The following CACNA1C variants were observed in gnomAD, a reference collection of about 807,000 sequenced individuals.
The protein encoded by CACNA1C is calcium voltage-gated channel subunit alpha1 C.
A neutral mutation model predicts 229.0 loss-of-function variants in CACNA1C; 30 were observed. The ratio of observed to expected loss-of-function variants is 0.13; its 90% CI spans 0.10 to 0.18. The LOEUF is 0.18. Among genes scored for constraint, CACNA1C ranks in the 10% least tolerant of loss-of-function variants. The pLI is 1.00. For synonymous variants in CACNA1C, 1,114 were observed against 1,132.5 expected (o/e 0.98, Z 0.33); for missense variants, 1,658 against 2,845.0 (o/e 0.58, Z 9.49).
At chr12:2,236,245 C>G (rs1052550099) in intron 3 of CACNA1C, among the ~76,000 whole-genome samples, 1 of 152,132 alleles carries the variant, frequency 6.6e-6, no homozygotes, top group Admixed American at 6.5e-5. Flanking sequence ...TCAGCAGGTT[C>G]GGGTTGGGGC....
intron 42 of CACNA1C, chr12:2,680,329 CTT>C (rs1181633338): frequency 6.8e-7 from 1 of 1,464,794 alleles, no homozygotes; most frequent in Non-Finnish European, 9.2e-7. Flanking sequence ...CTGACTCACT[CTT>C]TTCTCCTTGT....
intron 3 of CACNA1C, among the ~76,000 whole-genome samples, chr12:2,235,207 C>G (rs1161395853): frequency 6.6e-6 from 1 of 152,188 alleles, no homozygotes; most frequent in Non-Finnish European, 1.5e-5. Flanking sequence ...ACAGGGGGGC[C>G]ATTCTTCCTC....
In CACNA1C at chr12:2,636,071, G is replaced by T. The variant is rs1255684418; in HGVS notation, c.3912+1691G>T. On this transcript the variant is annotated intron_variant, in intron 30 of 46. Coordinates refer to ENST00000399655, the MANE Select transcript of CACNA1C (RefSeq NM_000719.7). ...GCCAGAGCTTCTGTGCCCAGAGCTTGTGCCATGCAGTGCTCAGCCGTGGGA... is the reference window on the plus strand; with the variant it reads ...GCCAGAGCTTCTGTGCCCAGAGCTTTTGCCATGCAGTGCTCAGCCGTGGGA... Among the ~76,000 whole-genome samples the T allele has an allele frequency of 2.0e-5, 3 of 152,344 alleles. No homozygotes were observed. In the East Asian group the frequency reaches 5.8e-4, roughly 29 times the overall value.
At chr12:2,026,283 G>A (rs73044404) in intron 1 of CACNA1C, among the ~76,000 whole-genome samples, 14,939 of 152,324 alleles carry the variant, frequency 0.098, 795 homozygotes, top group Middle Eastern at 0.13. Flanking sequence ...TATTGGCTCT[G>A]CTAAAGCTTT....
intron 3 of CACNA1C, among the ~76,000 whole-genome samples, chr12:2,136,128 G>C (rs935813088): frequency 2.0e-5 from 3 of 151,376 alleles, no homozygotes; most frequent in Non-Finnish European, 3.0e-5. Flanking sequence ...GACCGCTTGC[G>C]CTTCCCAGGT....
chr12:2,536,451 A>T (rs1259904846), intron 9 of CACNA1C, among the ~76,000 whole-genome samples: 1 of 152,130 alleles, frequency 6.6e-6, no homozygotes, highest in Non-Finnish European at 1.5e-5. Context: ...TGGTGGAAAG[A>T]GGTTCAAAAC....
rs2091411955 is a variant in CACNA1C at position 2,633,382 on chromosome 12, A to T, written c.3829-915A>T. The stretch of plus-strand genomic sequence containing the variant: ...GACAGGGCCTCTGTGGAGAAGGGGT[A>T]GGGTGGGTGGATCTGTAGGATGGGG... On this transcript the variant is annotated intron_variant, in intron 29 of 46. Transcript: ENST00000399655. The surrounding 1 kb of genome is among the most constrained non-coding windows in gnomAD (Gnocchi z 5.8). Among the ~76,000 whole-genome samples, 1 of 152,144 alleles carries T rather than the reference A, an allele frequency of 6.6e-6. No individual in the cohort carries two copies. The highest frequency in any genetic ancestry group is 1.5e-5 in the Non-Finnish European group (1 of 68,008).
At position 2,605,306 on chromosome 12, in the gene CACNA1C, C is replaced by G. The variant is rs556456034; in HGVS notation, c.3048+138C>G. On this transcript the variant is annotated intron_variant, in intron 23 of 46. Transcript: ENST00000399655. This position sits in a 1 kb window ranked among gnomAD's most constrained non-coding sequence, Gnocchi z 6.2. ...TGTGGGGTCCCGGACACTGGTCCCA[C>G]TGCATGTCCCGGTTCCGTAATGAAC... 2.0e-4 allele frequency: 130 copies of G among 644,320 alleles called. No homozygotes were observed. The highest frequency in any genetic ancestry group is 1.8e-4 in the Non-Finnish European group (66 of 357,356). The allele number at this position is 644,320 out of a possible 1,614,324, so 39.9% of individuals were successfully genotyped here.
chr12:2,439,112 T>C (rs961301620), intron 3 of CACNA1C, among the ~76,000 whole-genome samples: 2 of 152,170 alleles, frequency 1.3e-5, no homozygotes, highest in Middle Eastern at 3.2e-3. Flanking sequence ...GGCCACGCTC[T>C]GACACACAGC....
At chr12:2,137,430 A>G (rs1338940428) in intron 3 of CACNA1C, among the ~76,000 whole-genome samples, 2 of 151,236 alleles carry the variant, frequency 1.3e-5, no homozygotes. Context: ...ACACACATAC[A>G]CACACATTAG....
chr12:2,332,060 T>C (rs2154514929), intron 3 of CACNA1C, among the ~76,000 whole-genome samples: 1 of 152,328 alleles, frequency 6.6e-6, no homozygotes, highest in South Asian at 2.1e-4. Flanking sequence ...CTTATTTTGC[T>C]CATCACAGTA....
At chr12:2,335,919 C>T (rs937755338) in intron 3 of CACNA1C, among the ~76,000 whole-genome samples, 10 of 151,658 alleles carry the variant, frequency 6.6e-5, no homozygotes, top group African/African-American at 2.4e-4. Context: ...CAAGGCTGAT[C>T]CTAAGGCTGT....
intron 9 of CACNA1C, among the ~76,000 whole-genome samples, chr12:2,522,216 G>A (rs2099811350): frequency 6.6e-6 from 1 of 152,208 alleles, no homozygotes; most frequent in African/African-American, 2.4e-5. Flanking sequence ...ACCAGTCGGT[G>A]GGGGTGGCCC....
At chr12:2,568,772 G>A (rs1322081606) in intron 13 of CACNA1C, among the ~76,000 whole-genome samples, 1 of 151,970 alleles carries the variant, frequency 6.6e-6, no homozygotes, top group African/African-American at 2.4e-5. Flanking sequence ...GAGGGAGGGG[G>A]CAGTGGGGAG....
chr12:2,374,877 G>A (rs2097994452), intron 3 of CACNA1C, among the ~76,000 whole-genome samples: 1 of 152,232 alleles, frequency 6.6e-6, no homozygotes, highest in African/African-American at 2.4e-5. Flanking sequence ...GCATGCACTG[G>A]AAGTTGGGTT....
chr12:2,135,230 A>G (rs1197088683), intron 3 of CACNA1C, among the ~76,000 whole-genome samples: 1 of 144,556 alleles, frequency 6.9e-6, no homozygotes, highest in Non-Finnish European at 1.5e-5. Context: ...CAAAGTTTTC[A>G]ACTTCTTTGC....
chr12:2,535,363 T>C (rs1599188771), intron 9 of CACNA1C, among the ~76,000 whole-genome samples: 1 of 149,778 alleles, frequency 6.7e-6, no homozygotes, highest in East Asian at 2.0e-4. Flanking sequence ...CACTCCAGCC[T>C]GGACAACAGA....
At chr12:2,669,170 C>T (rs918565945) in intron 38 of CACNA1C, 135 bp downstream of exon 38, 9 of 704,616 alleles carry the variant, frequency 1.3e-5, no homozygotes, top group East Asian at 1.0e-4. Context: ...ACGGGGGTAA[C>T]GTGCGCTCCA....
chr12:2,634,163 T>C, intron 29 of CACNA1C, 134 bp from the exon 30 acceptor site: 1 of 510,976 alleles, frequency 2.0e-6, no homozygotes, highest in Non-Finnish European at 3.4e-6. Flanking sequence ...TCTTTTCTCA[T>C]TTTTTTTCTC....
Sources: gnomAD v4.1 joint callset for allele counts (sites outside exome capture counted in the v4.1 genomes callset) on GRCh38, gnomAD v4.1.1 for gene constraint, Gnocchi (gnomAD v3.1) non-coding constraint, MANE v1.5 for transcripts, NCBI Gene and HGNC (gene_info 2026-07-23, HGNC 2026-07-21) for gene names.